Variants in CYP1B1 observed in about 807,000 individuals in gnomAD.
CYP1B1 encodes cytochrome P450 family 1 subfamily B member 1, also known as cytochrome P450 1B1.
Under a neutral mutation model 29.9 loss-of-function variants are expected in CYP1B1, and 22 were observed. The observed-to-expected ratio is 0.74, with a 90% CI of 0.53 to 1.05. The LOEUF (loss-of-function observed/expected upper bound fraction) is 1.05. Among genes scored for constraint, CYP1B1 ranks in the 50% least tolerant of loss-of-function variants. The pLI, the probability that CYP1B1 is intolerant of heterozygous loss-of-function variation, is 0.00. For synonymous variants in CYP1B1, 375 were observed against 320.0 expected, an observed-to-expected ratio of 1.17 and a Z score of -1.83; for missense variants, 883 against 746.9, an observed-to-expected ratio of 1.18 and a Z score of -2.12.
Position 38,074,978 on chromosome 2 carries a change from G to A in CYP1B1, c.411C>T (p.Tyr137=), listed in dbSNP as rs1558603671. 2 of 1,586,540 alleles carry A rather than the reference G, an allele frequency of 1.3e-6. No homozygotes were observed. Among genetic ancestry groups the A allele is most frequent in the South Asian group, 1.1e-5 (1 of 89,138 alleles). Reference sequence around the variant, plus strand: ...GCCGCTGCACCTTCCAGTGCTCCGAGTAGTGGCCGAAAGCCATGCTGCGGC... The same window carrying A: ...GCCGCTGCACCTTCCAGTGCTCCGAATAGTGGCCGAAAGCCATGCTGCGGC... ...SGGRSMAFGH[Y]SEHWKVQRRA... Residue 137 remains tyrosine (Y), a synonymous_variant, in exon 2 of 3, where the codon TAC becomes TAT. Coordinates refer to ENST00000610745, the MANE Select transcript of CYP1B1 (RefSeq NM_000104.4).
Position 38,074,525 on chromosome 2 carries a change from G to C in CYP1B1, c.864C>G (p.Ala288=). The C allele has an allele frequency of 6.2e-7, 1 of 1,607,720 alleles. No homozygotes were observed. Among genetic ancestry groups the C allele is most frequent in the Non-Finnish European group, 8.5e-7 (1 of 1,177,374 alleles). ...RHCESLRPGA[A]PRDMMDAFIL... is the part of the protein sequence containing the mutation. ...TAAAGGCGTCCATCATGTCGCGGGGGGCGGCCCCGGGCCGAAGGCTTTCGC... is the reference window on the plus strand; with the variant it reads ...TAAAGGCGTCCATCATGTCGCGGGGCGCGGCCCCGGGCCGAAGGCTTTCGC... The change falls in exon 2 of 3, where the codon GCC becomes GCG. Residue 288 remains alanine, a synonymous_variant. Transcript: ENST00000610745.
chr2:38,074,514 A>T lies in CYP1B1; in HGVS notation c.875T>A (p.Met292Lys). 1 of 1,609,592 alleles carries T rather than the reference A, an allele frequency of 6.2e-7. No homozygotes were observed. The highest frequency in any genetic ancestry group is 8.5e-7 in the Non-Finnish European group (1 of 1,178,306). ...SLRPGAAPRD[M>K]MDAFILSAEK... is the part of the protein sequence containing the mutation. ...CGCAGAGAGGATAAAGGCGTCCATC[A>T]TGTCGCGGGGGGCGGCCCCGGGCCG... Residue 292 changes from methionine (M) to lysine (K), a missense_variant, in exon 2 of 3, where the codon ATG (methionine) becomes AAG (lysine). Physicochemically the swap from Met to Lys is moderately conservative, Grantham distance 95 (BLOSUM62 -1). Coordinates refer to ENST00000610745, the MANE Select transcript of CYP1B1 (RefSeq NM_000104.4).
At position 38,068,138 on chromosome 2, in the gene CYP1B1, G is replaced by A; in HGVS notation, c.*2584C>T. On this transcript the variant is annotated 3_prime_UTR_variant, in exon 3 of 3. Transcript: ENST00000610745. The stretch of plus-strand genomic sequence containing the variant: ...CATTATACTTTATTGCAATAACCTG[G>A]AGTAAAACTTCTGACTTTAATGGTT... The A allele has an allele frequency of 4.8e-6, 1 of 209,786 alleles. No individual in the cohort carries two copies. The highest frequency in any genetic ancestry group is 9.7e-6 in the Non-Finnish European group (1 of 102,936). The allele number at this position is 209,786 out of a possible 1,614,324, so 13.0% of individuals were successfully genotyped here.
rs751981758 is a variant in CYP1B1 at position 38,070,221 on chromosome 2, C to T, written c.*501G>A. The T allele has an allele frequency of 5.6e-5, 13 of 230,128 alleles. No homozygotes were observed. Among genetic ancestry groups the T allele is most frequent in the African/African-American group, 1.3e-4 (6 of 44,798 alleles). The allele number at this position is 230,128 out of a possible 1,614,324, so 14.3% of individuals were successfully genotyped here. On this transcript the variant is annotated 3_prime_UTR_variant, in exon 3 of 3. Coordinates refer to ENST00000610745, the MANE Select transcript of CYP1B1 (RefSeq NM_000104.4). Reference sequence around the variant, plus strand: ...CTGGTCTTTATCTTTTCCCTTATCACCTTCAATCACACACTTTACACTGAA... The same window carrying T: ...CTGGTCTTTATCTTTTCCCTTATCATCTTCAATCACACACTTTACACTGAA...
rs879193060 is a variant in CYP1B1 at position 38,075,445 on chromosome 2, G to A, written c.-1-56C>T. 4.5e-6 allele frequency: 7 copies of A among 1,547,380 alleles called. No homozygotes were observed. In the African/African-American group the frequency reaches 5.4e-5, roughly 12 times the overall value. ...CAGGGGTGCAGAGACAGGAGCGGGC[G>A]CCCCACGCCCCTACCCCAGCCTCTG... On this transcript the variant is annotated intron_variant, in intron 1 of 2. Transcript: ENST00000610745.
In CYP1B1 at chr2:38,074,878, G is replaced by T. The variant is rs749281337; in HGVS notation, c.511C>A (p.Leu171Met). 1.3e-6 allele frequency: 2 copies of T among 1,556,070 alleles called. No homozygotes were observed. The highest frequency in any genetic ancestry group is 2.4e-5 in the South Asian group (2 of 84,992). ...GCCACCAGCTCGCGCGCCTCGCTCA[G>T]CACGTGGCCCTCGAGGACTTGGCGG... The part of the protein sequence containing the change: ...RSRQVLEGHV[L>M]SEARELVALL... The change falls in exon 2 of 3, where the codon CTG (leucine) becomes ATG (methionine). Residue 171 changes from leucine (L) to methionine (M), a missense_variant. By Grantham distance (15) the Leu-to-Met change is conservative. Transcript: ENST00000610745.
chr2:38,075,570 A>T (rs752598861), intron 1 of CYP1B1, 181 bp from the exon 2 acceptor site: 12 of 643,166 alleles, frequency 1.9e-5, no homozygotes, highest in Non-Finnish European at 3.0e-5. Flanking sequence ...CTTGGAGAAG[A>T]GAAGGGGCGT....
rs147998053 is a variant in CYP1B1 at position 38,070,881 on chromosome 2, G to T, written c.1473C>A (p.Cys491Ter). 6.2e-7 allele frequency: 1 copy of T among 1,614,162 alleles called. No individual in the cohort carries two copies. The highest frequency in any genetic ancestry group is 2.2e-5 in the East Asian group (1 of 44,888). The stretch of plus-strand genomic sequence containing the variant: ...GCTCATTTGGGTTGGCCCTGAAATC[G>T]CACTGGTGAGCCAGGATGGAGATGA... ...FLFISILAHQ[C>*]DFRANPNEPA... The change falls in exon 3 of 3, where the codon TGC becomes TGA. Residue 491 changes from cysteine to a stop codon, truncating the protein, a stop_gained. Transcript: ENST00000610745. LOFTEE classifies it high-confidence loss of function.
In CYP1B1 at chr2:38,069,917, T is replaced by G. The variant is rs1406103617; in HGVS notation, c.*805A>C. ...ATAATTTAAAGCTTGGCTGGCTTTT[T>G]TTTTTTTCTTTGCTGATAATTCAAA... On this transcript the variant is annotated 3_prime_UTR_variant, in exon 3 of 3. Coordinates refer to ENST00000610745, the MANE Select transcript of CYP1B1 (RefSeq NM_000104.4). The G allele has an allele frequency of 5.0e-6, 1 of 199,792 alleles. No homozygotes were observed. Among genetic ancestry groups the G allele is most frequent in the Non-Finnish European group, 1.0e-5 (1 of 96,848 alleles). The allele number at this position is 199,792 out of a possible 1,614,324, so 12.4% of individuals were successfully genotyped here.
chr2:38,071,320 G>T lies in CYP1B1; in HGVS notation c.1044-10C>A, dbSNP rs113962019. ...CTGCACATCAGGATACCTGTTTGGT[G>T]TTTAATGTGGAGAGAGAAAAGCAAG... On this transcript the variant is annotated splice_polypyrimidine_tract_variant and intron_variant, in intron 2 of 2. Transcript: ENST00000610745. 1 of 1,611,872 alleles carries T rather than the reference G, an allele frequency of 6.2e-7. No individual in the cohort carries two copies. The highest frequency in any genetic ancestry group is 1.7e-5 in the Admixed American group (1 of 59,970).
chr2:38,070,497 T>C lies in CYP1B1; in HGVS notation c.*225A>G. ...TGTATATAATAATTCATTGGGCCCT[T>C]TAAGTCTTTGACTCAAAAAAATCTC... On this transcript the variant is annotated 3_prime_UTR_variant, in exon 3 of 3. Transcript: ENST00000610745. The C allele has an allele frequency of 3.6e-6, 2 of 557,506 alleles. No individual in the cohort carries two copies. Among genetic ancestry groups the C allele is most frequent in the Non-Finnish European group, 6.3e-6 (2 of 316,524 alleles). The allele number at this position is 557,506 out of a possible 1,614,324, so 34.5% of individuals were successfully genotyped here. A position where few individuals can be genotyped will look rare whatever the true frequency, so the allele number is the denominator to read the frequency against.
Position 38,075,762 on chromosome 2 carries a change from C to T in CYP1B1, c.-2+18G>A, listed in dbSNP as rs1164094436. The T allele has an allele frequency of 3.3e-6, 1 of 304,688 alleles. No homozygotes were observed. Among genetic ancestry groups the T allele is most frequent in the Admixed American group, 4.6e-5 (1 of 21,724 alleles). 18.9% of individuals were successfully genotyped at this position (304,688 alleles called of 1,614,324 possible). On this transcript the variant is annotated intron_variant, in intron 1 of 2. Coordinates refer to ENST00000610745, the MANE Select transcript of CYP1B1 (RefSeq NM_000104.4). The stretch of plus-strand genomic sequence containing the variant: ...ATCTGAAGAGGTCGCCGGGCAGCGC[C>T]TCGGCAGACAGACTGACCTGCGGGG...
rs960263159 is a variant in CYP1B1, at chr2:38,074,786, C to G, written c.603G>C (p.Val201=). 8 of 1,589,802 alleles carry G rather than the reference C, an allele frequency of 5.0e-6. No homozygotes were observed. The highest frequency in any genetic ancestry group is 6.8e-6 in the Non-Finnish European group (8 of 1,168,390). ...LDPRPLTVVA[V]ANVMSAVCFG... is the part of the protein sequence containing the mutation. ...AACACACGGCACTCATGACGTTGGC[C>G]ACGGCCACGACGGTCAGCGGCCTCG... Residue 201 remains valine, a synonymous_variant, in exon 2 of 3, where the codon GTG becomes GTC. Transcript: ENST00000610745.
Position 38,075,640 on chromosome 2 carries a change from G to C in CYP1B1, c.-2+140C>G, listed in dbSNP as rs994488116. The C allele has an allele frequency of 3.8e-5, 22 of 584,658 alleles. No individual in the cohort carries two copies. The East Asian group carries it at 6.3e-4, about 17-fold the overall frequency. The allele number at this position is 584,658 out of a possible 1,614,324, so 36.2% of individuals were successfully genotyped here. ...TCCCCTCCCCGCAAGGCGCGTAACGGTTCCTGCAATCTGGGGACAACGCTG... is the reference window on the plus strand; with the variant it reads ...TCCCCTCCCCGCAAGGCGCGTAACGCTTCCTGCAATCTGGGGACAACGCTG... On this transcript the variant is annotated intron_variant, in intron 1 of 2. Transcript: ENST00000610745.
At position 38,069,063 on chromosome 2, in the gene CYP1B1, A is replaced by T. The variant is rs1682374667; in HGVS notation, c.*1659T>A. ...TTCTTTGGAAGTTTAATTGCAATGAACTTTAAAACTTGAAACTTCAATTCA... is the reference window on the plus strand; with the variant it reads ...TTCTTTGGAAGTTTAATTGCAATGATCTTTAAAACTTGAAACTTCAATTCA... On this transcript the variant is annotated 3_prime_UTR_variant, in exon 3 of 3. Transcript: ENST00000610745. 1 of 225,662 alleles carries T rather than the reference A, an allele frequency of 4.4e-6. No individual in the cohort carries two copies. The highest frequency in any genetic ancestry group is 2.2e-5 in the African/African-American group (1 of 44,978). 14.0% of individuals were successfully genotyped at this position (225,662 alleles called of 1,614,324 possible).
In CYP1B1 at chr2:38,074,549, G is replaced by A; in HGVS notation, c.840C>T (p.Cys280=). 6.2e-7 allele frequency: 1 copy of A among 1,609,002 alleles called. No individual in the cohort carries two copies. The highest frequency in any genetic ancestry group is 8.5e-7 in the Non-Finnish European group (1 of 1,177,868). ...NFILDKFLRH[C]ESLRPGAAPR... The stretch of plus-strand genomic sequence containing the variant: ...GGGCGGCCCCGGGCCGAAGGCTTTC[G>A]CAGTGCCTCAAGAACTTGTCCAGGA... Residue 280 remains cysteine (C), a synonymous_variant, in exon 2 of 3, where the codon TGC becomes TGT. Transcript: ENST00000610745.
chr2:38,075,654 GGGACAACGCTGCGGGCATCGA>G, intron 1 of CYP1B1, 105 bp downstream of exon 1: 1 of 570,882 alleles, frequency 1.8e-6, no homozygotes, highest in South Asian at 2.1e-5. Flanking sequence ...CTGCAATCTG[GGGACAACGCTGCGGGCATCGA>G]GGCGGTGGCG....
chr2:38,075,210 A>G lies in CYP1B1; in HGVS notation c.179T>C (p.Ile60Thr). 6.3e-7 allele frequency: 1 copy of G among 1,580,780 alleles called. No individual in the cohort carries two copies. Among genetic ancestry groups the G allele is most frequent in the Non-Finnish European group, 8.5e-7 (1 of 1,169,950 alleles). The change falls in exon 2 of 3, where the codon ATC becomes ACC. Residue 60 changes from isoleucine (I) to threonine (T), a missense_variant. Coordinates refer to ENST00000610745, the MANE Select transcript of CYP1B1 (RefSeq NM_000104.4). Reference sequence around the variant, plus strand: ...CTGGCCCACCGCCGCCGCGTTTCCGATCAGTGGCCACGCAAACGGGCCCGG... The same window carrying G: ...CTGGCCCACCGCCGCCGCGTTTCCGGTCAGTGGCCACGCAAACGGGCCCGG... ...APPGPFAWPL[I>T]GNAAAVGQAA...
Position 38,070,974 on chromosome 2 carries a change from C to T in CYP1B1, c.1380G>A (p.Val460=), listed in dbSNP as rs766259019. ...GCCTTTTGCCCACTGAAAAAATCAT[C>T]ACTCTGCTGGTCAGGTCCTTGTTGA... The part of the protein sequence containing the change: ...GLINKDLTSR[V]MIFSVGKRRC... The change falls in exon 3 of 3, where the codon GTG becomes GTA. Residue 460 remains valine (V), a synonymous_variant. Coordinates refer to ENST00000610745, the MANE Select transcript of CYP1B1 (RefSeq NM_000104.4). 9.5e-5 allele frequency: 153 copies of T among 1,614,048 alleles called. No individual in the cohort carries two copies. The highest frequency in any genetic ancestry group is 1.2e-4 in the Non-Finnish European group (142 of 1,180,026).
Sources: allele counts gnomAD v4.1 joint callset, GRCh38; gene constraint gnomAD v4.1.1; transcripts MANE v1.5; gene names NCBI Gene and HGNC (gene_info 2026-07-23, HGNC 2026-07-21).